Variants in NLN observed in about 807,000 individuals in gnomAD.
The protein encoded by NLN is neurolysin.
Under a neutral mutation model 79.9 loss-of-function variants are expected in NLN, and 64 were observed. The ratio of observed to expected loss-of-function variants is 0.80; its 90% CI spans 0.65 to 0.99. The LOEUF (loss-of-function observed/expected upper bound fraction) is 0.99, where lower values mean the gene tolerates loss of function less well. Ranked by LOEUF, NLN falls within the 50% of genes least tolerant of loss-of-function variation. The pLI, the probability that NLN is intolerant of heterozygous loss-of-function variation, is 0.00. For synonymous variants in NLN, 267 were observed against 296.6 expected (o/e 0.90, Z 1.02); for missense variants, 835 against 858.7 (o/e 0.97, Z 0.34).
At position 65,730,285 on chromosome 5, in the gene NLN, G is replaced by C. The variant is rs1390175840; in HGVS notation, c.41+7871G>C. ...TAGGAAGGAAATTGTAGAGTCAACA[G>C]GAAAGGCTACCAAGAAAGTGATATT... On this transcript the variant is annotated intron_variant, in intron 1 of 12. Transcript: ENST00000380985. Among the ~76,000 whole-genome samples, 3 of 152,166 alleles carry C rather than the reference G, an allele frequency of 2.0e-5. No individual in the cohort carries two copies. The East Asian group carries it at 5.8e-4, about 29-fold the overall frequency.
chr5:65,747,135 A>T (rs1050544020), intron 1 of NLN, among the ~76,000 whole-genome samples: 3 of 152,200 alleles, frequency 2.0e-5, no homozygotes, highest in African/African-American at 4.8e-5. Context: ...GTCTTATACT[A>T]GTTAGGAGTA....
At chr5:65,803,337 C>A (rs750321064) in intron 9 of NLN, among the ~76,000 whole-genome samples, 1 of 152,174 alleles carries the variant, frequency 6.6e-6, no homozygotes, top group Admixed American at 6.5e-5. Context: ...CGCTCAGTTC[C>A]CCCCTCAGCT....
chr5:65,738,397 A>G (rs1758781575), intron 1 of NLN, among the ~76,000 whole-genome samples: 1 of 151,896 alleles, frequency 6.6e-6, no homozygotes, highest in African/African-American at 2.4e-5. Flanking sequence ...TAGCCTGAGT[A>G]ATATAGTGAG....
intron 9 of NLN, among the ~76,000 whole-genome samples, chr5:65,796,647 AG>A (rs1342003587): frequency 6.6e-6 from 1 of 152,212 alleles, no homozygotes; most frequent in Non-Finnish European, 1.5e-5. Flanking sequence ...TAATATTTTA[AG>A]AACTTTTAAG....
chr5:65,758,465 G>C (rs771360664), intron 1 of NLN, 102 bp from the exon 2 acceptor site: 14 of 768,474 alleles, frequency 1.8e-5, no homozygotes, highest in Non-Finnish European at 2.4e-5. Context: ...TTTTTAAAAA[G>C]GTTCTTTTTA....
chr5:65,761,625 A>G (rs1226551315), intron 2 of NLN, among the ~76,000 whole-genome samples: 1 of 152,228 alleles, frequency 6.6e-6, no homozygotes, highest in South Asian at 2.1e-4. Context: ...GCAACCATAT[A>G]GTTAACTAGT....
intron 6 of NLN, among the ~76,000 whole-genome samples, chr5:65,784,134 T>A (rs1759863851): frequency 1.3e-5 from 2 of 152,190 alleles, no homozygotes; most frequent in African/African-American, 4.8e-5. Context: ...GCAGGTAGTG[T>A]GACCTCAGTG....
rs193105790 is a variant in NLN at position 65,762,532 on chromosome 5, A to G, written c.302-428A>G. Among the ~76,000 whole-genome samples, 78 of 152,168 alleles carry G rather than the reference A, an allele frequency of 5.1e-4. 1 individual carries two copies. The East Asian group carries it at 0.013, about 26-fold the overall frequency. On this transcript the variant is annotated intron_variant, in intron 2 of 12. Transcript: ENST00000380985. ...AAACTGCAGCTCTACAAAAAAATAT[A>G]AAAATTAGCTGAGTGTGGTGGTGCA... is the stretch of plus-strand genomic sequence containing the variant.
At chr5:65,763,377 T>A (rs1046192746) in intron 3 of NLN, among the ~76,000 whole-genome samples, 3 of 152,180 alleles carry the variant, frequency 2.0e-5, no homozygotes, top group Admixed American at 2.0e-4. Context: ...AACTTGATGG[T>A]TACATGTAAG....
chr5:65,730,618 G>A (rs1016082977), intron 1 of NLN, among the ~76,000 whole-genome samples: 1 of 151,224 alleles, frequency 6.6e-6, no homozygotes, highest in Admixed American at 6.6e-5. Context: ...GTGCAATGGC[G>A]CAATCTCAGC....
chr5:65,823,484 A>T lies in NLN; in HGVS notation c.*569A>T, dbSNP rs1282402856. ...TGTATATCAGGCCGCATGATTCCCA[A>T]CTTTCTGCCACACTTAAATTACGTT... On this transcript the variant is annotated 3_prime_UTR_variant, in exon 13 of 13. Coordinates refer to ENST00000380985, the MANE Select transcript of NLN (RefSeq NM_020726.5). 1.3e-5 allele frequency: 2 copies of T among 152,140 alleles called. No individual in the cohort carries two copies. The highest frequency in any genetic ancestry group is 4.8e-5 in the African/African-American group (2 of 41,396). 9.4% of individuals were successfully genotyped at this position (152,140 alleles called of 1,614,324 possible).
chr5:65,757,666 G>T (rs1759250337), intron 1 of NLN, among the ~76,000 whole-genome samples: 1 of 152,102 alleles, frequency 6.6e-6, no homozygotes, highest in African/African-American at 2.4e-5. Context: ...TTACTAGTTT[G>T]AATGTTTTAA....
chr5:65,728,934 C>T (rs1000583098), intron 1 of NLN, among the ~76,000 whole-genome samples: 1 of 152,166 alleles, frequency 6.6e-6, no homozygotes, highest in Non-Finnish European at 1.5e-5. Context: ...GCCTCGACCT[C>T]CCGGGCTCAA....
Position 65,733,380 on chromosome 5 carries a change from T to G in NLN, c.41+10966T>G, listed in dbSNP as rs536401396. ...CTGCTCCCAGCTCACCACCTTCTAC[T>G]TTCATGGAAACGAGACCTCCATGAA... On this transcript the variant is annotated intron_variant, in intron 1 of 12. Coordinates refer to ENST00000380985, the MANE Select transcript of NLN (RefSeq NM_020726.5). 1.8e-3 allele frequency: 2,722 copies of G among 1,511,076 alleles called. 371 individuals carry two copies. Among genetic ancestry groups the G allele is most frequent in the Non-Finnish European group, 2.3e-3 (2,498 of 1,101,282 alleles). The allele number at this position is 1,511,076 out of a possible 1,614,324, so 93.6% of individuals were successfully genotyped here. A position where few individuals can be genotyped will look rare whatever the true frequency, so the allele number is the denominator to read the frequency against.
intron 10 of NLN, 76 bp from the exon 11 acceptor site, chr5:65,809,961 A>G: frequency 6.6e-7 from 1 of 1,512,548 alleles, no homozygotes; most frequent in African/African-American, 1.4e-5. Flanking sequence ...CTGTTTTTGG[A>G]ATCTACAATC....
chr5:65,773,228 C>A (rs930774808), intron 3 of NLN, among the ~76,000 whole-genome samples: 3 of 148,756 alleles, frequency 2.0e-5, no homozygotes, highest in Non-Finnish European at 4.5e-5. Context: ...GCCTCCTGGG[C>A]CCAAGCAATC....
At chr5:65,730,615 G>A (rs1212985072) in intron 1 of NLN, among the ~76,000 whole-genome samples, 1 of 150,874 alleles carries the variant, frequency 6.6e-6, no homozygotes, top group Non-Finnish European at 1.5e-5. Context: ...AGAGTGCAAT[G>A]GCGCAATCTC....
intron 2 of NLN, among the ~76,000 whole-genome samples, chr5:65,760,575 C>G (rs1169030538): frequency 6.6e-6 from 1 of 152,208 alleles, no homozygotes; most frequent in African/African-American, 2.4e-5. Context: ...TGCTATGGCA[C>G]AATCCTAGCT....
intron 1 of NLN, among the ~76,000 whole-genome samples, chr5:65,738,921 T>G: frequency 7.8e-6 from 1 of 127,892 alleles, no homozygotes; most frequent in African/African-American, 3.0e-5. Flanking sequence ...CTATGATATA[T>G]ATGTGTGTAT....
Sources: allele counts gnomAD v4.1 joint callset (sites outside exome capture counted in the v4.1 genomes callset), GRCh38; gene constraint gnomAD v4.1.1; transcripts MANE v1.5; gene names NCBI Gene and HGNC (gene_info 2026-07-23, HGNC 2026-07-21).